LRRC4C: variants seen among roughly 807,000 people sequenced by gnomAD.
The protein encoded by LRRC4C is leucine-rich repeat-containing protein 4C.
In LRRC4C, 5 loss-of-function variants were observed where a neutral mutation model predicts 33.6. That is an observed-to-expected ratio of 0.15 (90% CI 0.08 to 0.31). The LOEUF (loss-of-function observed/expected upper bound fraction) is 0.31, where lower values mean the gene tolerates loss of function less well. Ranked by LOEUF, LRRC4C falls within the 10% of genes least tolerant of loss-of-function variation. The pLI, the probability that LRRC4C is intolerant of heterozygous loss-of-function variation, is 1.00. For synonymous variants in LRRC4C, 329 were observed against 302.0 expected (o/e 1.09, Z -0.93); for missense variants, 560 against 796.7 (o/e 0.70, Z 3.58).
At chr11:40,982,058 C>T (rs2137113464) in intron 1 of LRRC4C, among the ~76,000 whole-genome samples, 1 of 152,278 alleles carries the variant, frequency 6.6e-6, no homozygotes, top group South Asian at 2.1e-4. Context: ...CCATGACTAA[C>T]TTCCCCAAAA....
rs754594678 is a variant in LRRC4C, at chr11:41,236,223, A to G, written c.-496+223208T>C. On this transcript the variant is annotated intron_variant, in intron 1 of 6. Coordinates refer to ENST00000528697, the MANE Select transcript of LRRC4C (RefSeq NM_001258419.2). Reference sequence around the variant, plus strand: ...CCTCAGGTATAGAAGCTCTGAACTAAGAATGTCAGAGCAAAAAGAAAGTGC... The same window carrying G: ...CCTCAGGTATAGAAGCTCTGAACTAGGAATGTCAGAGCAAAAAGAAAGTGC... Among the ~76,000 whole-genome samples, 39 of 152,122 alleles carry G rather than the reference A, an allele frequency of 2.6e-4. 1 individual carries two copies. Among genetic ancestry groups the G allele is most frequent in the Admixed American group, 7.9e-4 (12 of 15,264 alleles).
At chr11:40,352,120 TTCCTTCCTTC>T (rs1249060186) in intron 3 of LRRC4C, among the ~76,000 whole-genome samples, 1 of 19,720 alleles carries the variant, frequency 5.1e-5, no homozygotes, top group East Asian at 2.1e-3. Flanking sequence ...TCTTCCTTCC[TTCCTTCCTTC>T]CTTCCTTCCT....
intron 5 of LRRC4C, among the ~76,000 whole-genome samples, chr11:40,206,932 AG>A (rs1278000907): frequency 6.6e-6 from 1 of 152,100 alleles, no homozygotes; most frequent in Non-Finnish European, 1.5e-5. Context: ...ACCTGGGGGA[AG>A]GGGACACTAT....
At chr11:40,334,980 T>C (rs2136962576) in intron 3 of LRRC4C, among the ~76,000 whole-genome samples, 1 of 152,326 alleles carries the variant, frequency 6.6e-6, no homozygotes, top group Admixed American at 6.5e-5. Flanking sequence ...AATCAATATC[T>C]GATTGTCACA....
At chr11:40,926,149 C>T (rs1210713178) in intron 2 of LRRC4C, among the ~76,000 whole-genome samples, 1 of 151,846 alleles carries the variant, frequency 6.6e-6, no homozygotes, top group Non-Finnish European at 1.5e-5. Flanking sequence ...TTTTCTTTGG[C>T]CTTTAGTACA....
chr11:41,037,643 T>C (rs938233080), intron 1 of LRRC4C, among the ~76,000 whole-genome samples: 11 of 151,798 alleles, frequency 7.2e-5, no homozygotes, highest in Non-Finnish European at 1.6e-4. Flanking sequence ...TTTAATTGCA[T>C]TTAATTGTTG....
chr11:41,129,075 C>T (rs1472859201), intron 1 of LRRC4C, among the ~76,000 whole-genome samples: 1 of 151,774 alleles, frequency 6.6e-6, no homozygotes, highest in Non-Finnish European at 1.5e-5. Context: ...AGGTGGGGGA[C>T]CATTCTCTTT....
chr11:40,368,321 T>C (rs573303981), intron 3 of LRRC4C, among the ~76,000 whole-genome samples: 28 of 152,284 alleles, frequency 1.8e-4, no homozygotes, highest in South Asian at 1.0e-3. Context: ...CTTTAGATGT[T>C]CTTACTTCTT....
chr11:40,202,815 C>T (rs1862862165), intron 5 of LRRC4C, among the ~76,000 whole-genome samples: 1 of 152,148 alleles, frequency 6.6e-6, no homozygotes, highest in Non-Finnish European at 1.5e-5. Flanking sequence ...AGCTGTTAGG[C>T]AAATTCACTG....
intron 1 of LRRC4C, among the ~76,000 whole-genome samples, chr11:41,328,595 C>T (rs1314859182): frequency 1.3e-5 from 2 of 152,138 alleles, no homozygotes; most frequent in South Asian, 2.1e-4. Flanking sequence ...TAGTTCTCTT[C>T]GTAGGCATGA....
At chr11:41,055,568 C>A (rs1214348379) in intron 1 of LRRC4C, among the ~76,000 whole-genome samples, 1 of 152,086 alleles carries the variant, frequency 6.6e-6, no homozygotes, top group Non-Finnish European at 1.5e-5. Context: ...TAATTTGCAT[C>A]TTTTCAGTTC....
chr11:40,238,504 A>C (rs1865716494), intron 5 of LRRC4C, among the ~76,000 whole-genome samples: 1 of 152,194 alleles, frequency 6.6e-6, no homozygotes, highest in African/African-American at 2.4e-5. Flanking sequence ...AATTCAGAGG[A>C]GCCTAGCAGA....
chr11:41,430,450 G>A (rs1286034462), intron 1 of LRRC4C, among the ~76,000 whole-genome samples: 2 of 152,050 alleles, frequency 1.3e-5, no homozygotes, highest in African/African-American at 4.8e-5. Context: ...TCAAACTGTT[G>A]TGCCAGTTCC....
chr11:40,770,630 C>T (rs1949708730), intron 2 of LRRC4C, among the ~76,000 whole-genome samples: 1 of 152,124 alleles, frequency 6.6e-6, no homozygotes, highest in East Asian at 1.9e-4. Context: ...TTTCCTTCTG[C>T]CTATGAGCCT....
intron 3 of LRRC4C, among the ~76,000 whole-genome samples, chr11:40,416,640 T>C (rs1437836557): frequency 1.3e-5 from 2 of 152,206 alleles, no homozygotes; most frequent in Non-Finnish European, 2.9e-5. Flanking sequence ...ATTTTGTACC[T>C]GGCACTAAGT....
At chr11:40,497,362 C>A (rs775510386) in intron 3 of LRRC4C, among the ~76,000 whole-genome samples, 2 of 151,704 alleles carry the variant, frequency 1.3e-5, no homozygotes, top group Non-Finnish European at 2.9e-5. Context: ...CAAGATCATG[C>A]CACTACACTC....
chr11:40,672,271 T>C (rs1291731352), intron 2 of LRRC4C, among the ~76,000 whole-genome samples: 14 of 152,202 alleles, frequency 9.2e-5, no homozygotes, highest in Non-Finnish European at 2.9e-5. Context: ...CTCTTGGGCC[T>C]CTTTTATAAA....
chr11:41,128,609 A>C (rs1474230713), intron 1 of LRRC4C, among the ~76,000 whole-genome samples: 3 of 152,082 alleles, frequency 2.0e-5, no homozygotes, highest in Non-Finnish European at 4.4e-5. Flanking sequence ...AAGATTGTTT[A>C]ATTCATTTGC....
intron 1 of LRRC4C, among the ~76,000 whole-genome samples, chr11:41,209,448 G>A (rs2136305819): frequency 6.6e-6 from 1 of 151,720 alleles, no homozygotes; most frequent in African/African-American, 2.4e-5. Flanking sequence ...AGGATTATTA[G>A]TATGAATCAT....
Sources: allele counts gnomAD v4.1 joint callset (sites outside exome capture counted in the v4.1 genomes callset), GRCh38; gene constraint gnomAD v4.1.1; transcripts MANE v1.5; gene names NCBI Gene and HGNC (gene_info 2026-07-23, HGNC 2026-07-21).